IKZF3: variants seen among roughly 807,000 people sequenced by gnomAD.
The protein encoded by IKZF3 is zinc finger protein Aiolos.
A neutral mutation model predicts 49.0 loss-of-function variants in IKZF3; 10 were observed. That is an observed-to-expected ratio of 0.20 (90% CI 0.13 to 0.35). The LOEUF is 0.35. IKZF3 is among the 10% of genes least tolerant of loss of function. The pLI is 1.00. For missense variants in IKZF3, 498 were observed against 664.8 expected (o/e 0.75, Z 2.76); for synonymous variants, 209 against 228.2 (o/e 0.92, Z 0.76).
intron 1 of IKZF3, among the ~76,000 whole-genome samples, chr17:39,838,207 A>G (rs1338496076): frequency 6.6e-6 from 1 of 152,010 alleles, no homozygotes; most frequent in Non-Finnish European, 1.5e-5. Flanking sequence ...TTTCTGTTCC[A>G]TTCTCCTCCC....
chr17:39,850,424 T>C (rs150095424), intron 1 of IKZF3, among the ~76,000 whole-genome samples: 1,746 of 132,812 alleles, frequency 0.013, 56 homozygotes, highest in African/African-American at 0.047. Context: ...TAGCATATTG[T>C]ATGTATATAT....
At chr17:39,810,205 T>C (rs1453204180) in intron 3 of IKZF3, among the ~76,000 whole-genome samples, 1 of 152,206 alleles carries the variant, frequency 6.6e-6, no homozygotes, top group Admixed American at 6.5e-5. Flanking sequence ...ATAATAGTGG[T>C]TGGCATTTTT....
intron 3 of IKZF3, among the ~76,000 whole-genome samples, chr17:39,819,973 G>A (rs1458728484): frequency 1.3e-5 from 2 of 152,118 alleles, no homozygotes; most frequent in Non-Finnish European, 2.9e-5. Flanking sequence ...ACTGCACCCA[G>A]CCTATTTTCT....
intron 1 of IKZF3, among the ~76,000 whole-genome samples, chr17:39,857,482 A>G (rs1260942802): frequency 6.6e-6 from 1 of 152,230 alleles, no homozygotes; most frequent in African/African-American, 2.4e-5. Context: ...GCAGTGCTTC[A>G]CTGAAATAAA....
intron 1 of IKZF3, among the ~76,000 whole-genome samples, chr17:39,844,034 C>T (rs939155858): frequency 6.6e-5 from 10 of 152,074 alleles, no homozygotes; most frequent in Admixed American, 5.9e-4. Context: ...TTTCTAAATG[C>T]AGCAAAAACA....
chr17:39,814,947 T>C (rs1041692219), intron 3 of IKZF3, among the ~76,000 whole-genome samples: 1 of 152,154 alleles, frequency 6.6e-6, no homozygotes, highest in Non-Finnish European at 1.5e-5. Flanking sequence ...CTAGTGTTGA[T>C]GGGTATCGAG....
In IKZF3 at chr17:39,765,119, T is replaced by A. The variant is rs1274398841; in HGVS notation, c.*671A>T. The A allele has an allele frequency of 2.0e-5, 3 of 152,336 alleles. No homozygotes were observed. Among genetic ancestry groups the A allele is most frequent in the African/African-American group, 7.2e-5 (3 of 41,440 alleles). The allele number at this position is 152,336 out of a possible 1,614,324, so 9.4% of individuals were successfully genotyped here. On this transcript the variant is annotated 3_prime_UTR_variant, in exon 8 of 8. Coordinates refer to ENST00000346872, the MANE Select transcript of IKZF3 (RefSeq NM_012481.5). ...GCATAGATTTTCTTCTATAGACAAC[T>A]GGTTTAGCCCAAAGCAGCTCAGCTT... is the stretch of plus-strand genomic sequence containing the variant.
At chr17:39,779,850 C>T (rs543136003) in intron 6 of IKZF3, among the ~76,000 whole-genome samples, 1 of 152,014 alleles carries the variant, frequency 6.6e-6, no homozygotes, top group South Asian at 2.1e-4. Flanking sequence ...ACTATCCATA[C>T]ATTTCTATTA....
rs1428917195 is a variant in IKZF3, at chr17:39,791,587, T to C, written c.425-4A>G. The C allele has an allele frequency of 6.2e-7, 1 of 1,613,356 alleles. No individual in the cohort carries two copies. Among genetic ancestry groups the C allele is most frequent in the Non-Finnish European group, 8.5e-7 (1 of 1,179,696 alleles). On this transcript the variant is annotated splice_polypyrimidine_tract_variant and splice_region_variant and intron_variant, in intron 4 of 7. Coordinates refer to ENST00000346872, the MANE Select transcript of IKZF3 (RefSeq NM_012481.5). ...TTACACTGGAATGGGCGTTCACCTT[T>C]AAAAAGGACAAAAAAGGAGATTTCT...
At chr17:39,808,561 A>C (rs2061484835) in intron 3 of IKZF3, among the ~76,000 whole-genome samples, 1 of 152,148 alleles carries the variant, frequency 6.6e-6, no homozygotes, top group African/African-American at 2.4e-5. Context: ...TTAATAATTT[A>C]GTGTGTTTTA....
chr17:39,770,438 T>C (rs1435168253), intron 7 of IKZF3, among the ~76,000 whole-genome samples: 1 of 152,184 alleles, frequency 6.6e-6, no homozygotes, highest in South Asian at 2.1e-4. Context: ...AAGGTGTCAA[T>C]GTCTTATATC....
rs1444515288 is a variant in IKZF3, at chr17:39,761,594, TAAATTAAA to T, written c.*4188_*4195del. The T allele has an allele frequency of 6.6e-6, 1 of 150,772 alleles. No homozygotes were observed. Among genetic ancestry groups the T allele is most frequent in the Non-Finnish European group, 1.5e-5 (1 of 68,024 alleles). The allele number at this position is 150,772 out of a possible 1,614,324, so 9.3% of individuals were successfully genotyped here. ...TATACATATACAAAAAAAATAAAAA[TAAATTAAA>T]AAATTAAAAAACACCTGGAGCACTG... is the stretch of plus-strand genomic sequence containing the variant. On this transcript the variant is annotated 3_prime_UTR_variant, in exon 8 of 8. Coordinates refer to ENST00000346872, the MANE Select transcript of IKZF3 (RefSeq NM_012481.5).
chr17:39,826,408 AG>A (rs1161034714), intron 3 of IKZF3, among the ~76,000 whole-genome samples: 1 of 152,242 alleles, frequency 6.6e-6, no homozygotes, highest in Non-Finnish European at 1.5e-5. Flanking sequence ...TAATTAAAGA[AG>A]GTAAAAACAA....
intron 4 of IKZF3, 96 bp downstream of exon 4, chr17:39,792,577 A>G (rs777288690): frequency 4.8e-5 from 62 of 1,301,122 alleles, no homozygotes; most frequent in Non-Finnish European, 6.4e-5. Context: ...GCAAAAATCA[A>G]TGAAAGTAAC....
At chr17:39,838,626 A>G (rs1411929540) in intron 1 of IKZF3, among the ~76,000 whole-genome samples, 1 of 152,072 alleles carries the variant, frequency 6.6e-6, no homozygotes, top group Non-Finnish European at 1.5e-5. Context: ...TAATTACTAT[A>G]GTTTATACAA....
intron 5 of IKZF3, 138 bp downstream of exon 5, chr17:39,791,278 C>T: frequency 1.2e-6 from 1 of 822,580 alleles, no homozygotes; most frequent in Non-Finnish European, 1.9e-6. Flanking sequence ...TGTAATTAGC[C>T]CTAGAGGTCT....
At chr17:39,771,806 C>T (rs2952140) in intron 7 of IKZF3, among the ~76,000 whole-genome samples, 71,152 of 151,966 alleles carry the variant, frequency 0.47, 17,241 homozygotes, top group East Asian at 0.7. Flanking sequence ...GTGGCGTGAT[C>T]ACAGCTCACT....
intron 3 of IKZF3, among the ~76,000 whole-genome samples, chr17:39,824,193 T>C (rs1447029136): frequency 3.3e-5 from 5 of 152,196 alleles, no homozygotes; most frequent in Non-Finnish European, 2.9e-5. Flanking sequence ...GGAGATCATT[T>C]TGGAACTTTA....
At chr17:39,808,730 G>A (rs2061487934) in intron 3 of IKZF3, among the ~76,000 whole-genome samples, 1 of 152,178 alleles carries the variant, frequency 6.6e-6, no homozygotes. Flanking sequence ...TTTCTTTACA[G>A]TCTGAGAGAG....
Sources: gnomAD v4.1 joint callset for allele counts (sites outside exome capture counted in the v4.1 genomes callset) on GRCh38, gnomAD v4.1.1 for gene constraint, MANE v1.5 for transcripts, NCBI Gene and HGNC (gene_info 2026-07-23, HGNC 2026-07-21) for gene names.